Variants in RBM20 observed in about 807,000 individuals in gnomAD.
RBM20 encodes RNA-binding protein 20.
In RBM20, 51 loss-of-function variants were observed where a neutral mutation model predicts 110.1. The observed-to-expected ratio is 0.46, with a 90% CI of 0.37 to 0.59. RBM20 has a LOEUF of 0.59. Among genes scored for constraint, RBM20 ranks in the 20% least tolerant of loss-of-function variants. RBM20 has a pLI of 0.00. For synonymous variants in RBM20, 589 were observed against 618.2 expected, an observed-to-expected ratio of 0.95 and a Z score of 0.70; for missense variants, 1,512 against 1,574.9, an observed-to-expected ratio of 0.96 and a Z score of 0.68.
intron 5 of RBM20, among the ~76,000 whole-genome samples, chr10:110,785,145 A>C (rs878935066): frequency 2.0e-5 from 3 of 152,138 alleles, no homozygotes; most frequent in Admixed American, 2.0e-4. Flanking sequence ...TGTGCCAGTC[A>C]CCCTGAAATG....
chr10:110,836,147 A>G lies in RBM20; in HGVS notation c.*169A>G, dbSNP rs1042079083. The G allele has an allele frequency of 2.0e-6, 1 of 493,866 alleles. No individual in the cohort carries two copies. The allele number at this position is 493,866 out of a possible 1,614,324, so 30.6% of individuals were successfully genotyped here. A position where few individuals can be genotyped will look rare whatever the true frequency, so the allele number is the denominator to read the frequency against. Reference sequence around the variant, plus strand: ...AGAGACTCAGTGAAATGCCCCTGATATGTCTCCAGGAGCAAGTCACCCAGG... The same window carrying G: ...AGAGACTCAGTGAAATGCCCCTGATGTGTCTCCAGGAGCAAGTCACCCAGG... On this transcript the variant is annotated 3_prime_UTR_variant, in exon 14 of 14. Coordinates refer to ENST00000369519, the MANE Select transcript of RBM20 (RefSeq NM_001134363.3).
At chr10:110,780,416 A>G (rs927219765) in intron 1 of RBM20, among the ~76,000 whole-genome samples, 15 of 152,188 alleles carry the variant, frequency 9.9e-5, no homozygotes, top group African/African-American at 3.1e-4. Context: ...GCTATAATAA[A>G]TGCATTTTGT....
chr10:110,777,850 A>T (rs1844287289), intron 1 of RBM20, among the ~76,000 whole-genome samples: 1 of 152,262 alleles, frequency 6.6e-6, no homozygotes, highest in South Asian at 2.1e-4. Flanking sequence ...ATGGAAACCA[A>T]CTTGGCACCT....
At chr10:110,759,589 A>G (rs1843968798) in intron 1 of RBM20, among the ~76,000 whole-genome samples, 1 of 152,216 alleles carries the variant, frequency 6.6e-6, no homozygotes, top group African/African-American at 2.4e-5. Context: ...TGAAGCAGCC[A>G]CTGGCTAGTC....
chr10:110,763,903 T>C (rs1264594411), intron 1 of RBM20, among the ~76,000 whole-genome samples: 1 of 152,074 alleles, frequency 6.6e-6, no homozygotes, highest in Non-Finnish European at 1.5e-5. Flanking sequence ...CATTGTAGGA[T>C]TTTGTCAGCA....
In RBM20 at chr10:110,729,365, C is replaced by T. The variant is rs147669195; in HGVS notation, c.192-51436C>T. 2.8e-3 allele frequency among the ~76,000 whole-genome samples: 430 copies of T among 152,316 alleles called. 6 individuals are homozygous for T. The highest frequency in any genetic ancestry group is 9.6e-3 in the African/African-American group (400 of 41,554). On this transcript the variant is annotated intron_variant, in intron 1 of 13. Transcript: ENST00000369519. The stretch of plus-strand genomic sequence containing the variant: ...GGGCTTCTCTTTTCTGCCCTTCCTG[C>T]CTCTCCTTCTCACCTAGTAAACCTT...
rs1470779057 is a variant in RBM20 at position 110,812,291 on chromosome 10, A to G, written c.1894A>G (p.Arg632Gly). The G allele has an allele frequency of 3.9e-6, 6 of 1,545,272 alleles. No individual in the cohort carries two copies. The highest frequency in any genetic ancestry group is 4.4e-6 in the Non-Finnish European group (5 of 1,143,056). ...GCTCCCTCACAGATATGGCCCAGAA[A>G]GGCCGCGGTCTCGTAGTCCGGTGAG... ...FREADRYGPE[R>G]PRSRSPVSRS... The change falls in exon 9 of 14, where the codon AGG becomes GGG. Residue 632 changes from arginine to glycine, a missense_variant. By Grantham distance (125) the Arg-to-Gly change is moderately radical (BLOSUM62 -2). Coordinates refer to ENST00000369519, the MANE Select transcript of RBM20 (RefSeq NM_001134363.3).
intron 1 of RBM20, among the ~76,000 whole-genome samples, chr10:110,729,237 C>T (rs770608057): frequency 2.0e-5 from 3 of 152,206 alleles, no homozygotes; most frequent in Non-Finnish European, 4.4e-5. Flanking sequence ...ATCCTTTTCA[C>T]GTAACTACCA....
intron 1 of RBM20, among the ~76,000 whole-genome samples, chr10:110,725,633 T>C (rs1054025304): frequency 1.3e-5 from 2 of 152,256 alleles, no homozygotes; most frequent in African/African-American, 4.8e-5. Flanking sequence ...GGAAAACAAT[T>C]GCAGAGGTGC....
intron 5 of RBM20, among the ~76,000 whole-genome samples, chr10:110,787,367 G>A (rs1844431463): frequency 6.6e-6 from 1 of 152,206 alleles, no homozygotes; most frequent in East Asian, 1.9e-4. Context: ...CAATGATTTG[G>A]GAACCGTCAA....
chr10:110,699,549 G>A (rs1332726875), intron 1 of RBM20, among the ~76,000 whole-genome samples: 1 of 147,290 alleles, frequency 6.8e-6, no homozygotes, highest in Non-Finnish European at 1.5e-5. Flanking sequence ...TGAGATTACA[G>A]GTGTGAGCCA....
intron 1 of RBM20, among the ~76,000 whole-genome samples, chr10:110,723,276 A>G (rs1843529130): frequency 6.6e-6 from 1 of 152,154 alleles, no homozygotes. Flanking sequence ...ATTCATCACC[A>G]CTAATTCCAG....
At chr10:110,716,843 G>C (rs1004022870) in intron 1 of RBM20, among the ~76,000 whole-genome samples, 14 of 151,846 alleles carry the variant, frequency 9.2e-5, no homozygotes, top group African/African-American at 3.1e-4. Flanking sequence ...CGGGAACCTG[G>C]GAGGTGGAGC....
Position 110,678,747 on chromosome 10 carries a change from A to G in RBM20, c.191+34102A>G, listed in dbSNP as rs76761260. Among the ~76,000 whole-genome samples the G allele has an allele frequency of 5.0e-3, 761 of 152,306 alleles. 5 individuals are homozygous for G. The highest frequency in any genetic ancestry group is 0.017 in the African/African-American group (726 of 41,560). On this transcript the variant is annotated intron_variant, in intron 1 of 13. Transcript: ENST00000369519. ...AAATTTTATTACAGAAGCAGTGGGC[A>G]ATAGGAGAATGTTTGGTGGTAGATT...
At chr10:110,757,083 C>T (rs147100981) in intron 1 of RBM20, among the ~76,000 whole-genome samples, 1 of 152,168 alleles carries the variant, frequency 6.6e-6, no homozygotes, top group East Asian at 1.9e-4. Context: ...TCTTGGCAAG[C>T]TATTGGGCTG....
rs1244728107 is a variant in RBM20, at chr10:110,812,706, A to G, written c.2309A>G (p.Lys770Arg). 2 of 1,551,752 alleles carry G rather than the reference A, an allele frequency of 1.3e-6. No individual in the cohort carries two copies. The highest frequency in any genetic ancestry group is 1.7e-4 in the Middle Eastern group (1 of 5,992). The part of the protein sequence containing the change: ...YRKEPKAKSD[K>R]YLKQQQDAPG... The stretch of plus-strand genomic sequence containing the variant: ...AAAGAGCCCAAAGCCAAGTCGGACA[A>G]GTATCTGAAGCAGCAGCAGGATGCC... The change falls in exon 9 of 14, where the codon AAG (lysine) becomes AGG (arginine). Residue 770 changes from lysine to arginine, a missense_variant. Physicochemically the swap from Lys to Arg is conservative, Grantham distance 26 (BLOSUM62 2). Coordinates refer to ENST00000369519, the MANE Select transcript of RBM20 (RefSeq NM_001134363.3).
chr10:110,799,159 C>T (rs1362054633), intron 6 of RBM20, among the ~76,000 whole-genome samples: 3 of 152,274 alleles, frequency 2.0e-5, no homozygotes, highest in East Asian at 3.9e-4. Context: ...ATAACCAAAG[C>T]TTGTGTCTCT....
chr10:110,750,587 C>T (rs1004764027), intron 1 of RBM20, among the ~76,000 whole-genome samples: 59 of 152,278 alleles, frequency 3.9e-4, no homozygotes, highest in African/African-American at 1.3e-3. Flanking sequence ...CTTACTTACC[C>T]GACCTCTTAA....
intron 7 of RBM20, among the ~76,000 whole-genome samples, chr10:110,802,686 T>A (rs1450622067): frequency 2.0e-5 from 3 of 152,228 alleles, no homozygotes; most frequent in Admixed American, 6.5e-5. Context: ...AGAGGTCAGA[T>A]GGTCGAGTTT....
Sources: allele counts gnomAD v4.1 joint callset (sites outside exome capture counted in the v4.1 genomes callset), GRCh38; gene constraint gnomAD v4.1.1; transcripts MANE v1.5; gene names NCBI Gene and HGNC (gene_info 2026-07-23, HGNC 2026-07-21).